TTC12: variants seen among roughly 807,000 people sequenced by gnomAD.
The protein encoded by TTC12 is tetratricopeptide repeat protein 12.
In TTC12, 70 loss-of-function variants were observed where a neutral mutation model predicts 90.1. The observed-to-expected ratio is 0.78, with a 90% CI of 0.64 to 0.95. The LOEUF is 0.95. TTC12 is among the 40% of genes least tolerant of loss of function. The pLI, the probability that TTC12 is intolerant of heterozygous loss-of-function variation, is 0.00. For synonymous variants in TTC12, 296 were observed against 311.5 expected (o/e 0.95, Z 0.53); for missense variants, 819 against 846.1 (o/e 0.97, Z 0.40).
intron 14 of TTC12, 150 bp downstream of exon 14, chr11:113,350,315 A>AG: frequency 1.6e-6 from 1 of 616,344 alleles, no homozygotes; most frequent in Non-Finnish European, 2.8e-6. Context: ...GATGCCTCCC[A>AG]GGGGGCTGCA....
At chr11:113,368,091 C>G (rs1162008540), downstream of TTC12, 1 of 1,050,610 alleles carries the variant, frequency 9.5e-7, no homozygotes, top group African/African-American at 1.6e-5. Flanking sequence ...CTATGGCTGC[C>G]CTCCTTCTTG....
intron 9 of TTC12, 118 bp from the exon 10 acceptor site, chr11:113,339,168 T>C (rs781904162): frequency 2.2e-5 from 18 of 817,686 alleles, no homozygotes; most frequent in Non-Finnish European, 3.2e-5. Context: ...TTAATTATTT[T>C]AATGCTTTAT....
intron 13 of TTC12, among the ~76,000 whole-genome samples, chr11:113,345,410 C>T (rs1948894696): frequency 1.3e-5 from 2 of 151,856 alleles, no homozygotes; most frequent in South Asian, 4.2e-4. Flanking sequence ...ACTAGGCTGG[C>T]CCCCAGGTAC....
At chr11:113,348,531 T>G (rs1555148904) in intron 13 of TTC12, among the ~76,000 whole-genome samples, 1 of 152,192 alleles carries the variant, frequency 6.6e-6, no homozygotes, top group Non-Finnish European at 1.5e-5. Flanking sequence ...TCCTGCCTCT[T>G]GTACTACCTG....
At chr11:113,363,785 C>G in intron 19 of TTC12, 43 bp from the exon 20 acceptor site, 1 of 1,392,562 alleles carries the variant, frequency 7.2e-7, no homozygotes, top group African/African-American at 1.4e-5. Flanking sequence ...CAAGAGCAAT[C>G]ATAGCACTGA....
chr11:113,343,872 G>A lies in TTC12; in HGVS notation c.986-400G>A, dbSNP rs551366623. ...GTATGAATATTGATGGCCTAAAGAC[G>A]TTCCACAATTAAACTGATTTATTTC... is the stretch of plus-strand genomic sequence containing the variant. On this transcript the variant is annotated intron_variant, in intron 12 of 21. Transcript: ENST00000529221. 4.6e-5 allele frequency among the ~76,000 whole-genome samples: 7 copies of A among 152,190 alleles called. No homozygotes were observed. The South Asian group carries it at 8.3e-4, about 18-fold the overall frequency.
chr11:113,354,317 C>T (rs1406194185), intron 16 of TTC12, among the ~76,000 whole-genome samples: 1 of 152,118 alleles, frequency 6.6e-6, no homozygotes, highest in Non-Finnish European at 1.5e-5. Context: ...ATTTTGTATC[C>T]TGAGACATTG....
At chr11:113,322,562 A>G (rs1333368707) in intron 2 of TTC12, among the ~76,000 whole-genome samples, 1 of 152,196 alleles carries the variant, frequency 6.6e-6, no homozygotes, top group Admixed American at 6.5e-5. Context: ...GCAAACTGTT[A>G]AAAGTCATTG....
intron 18 of TTC12, 25 bp from the exon 19 acceptor site, chr11:113,362,376 A>G (rs1555155489): frequency 1.3e-6 from 2 of 1,556,582 alleles, no homozygotes; most frequent in Admixed American, 3.4e-5. Context: ...AGGACATTTA[A>G]TTATCCTCTT....
At chr11:113,369,873 C>T (rs1358979088), downstream of TTC12, among the ~76,000 whole-genome samples, 4 of 152,268 alleles carry the variant, frequency 2.6e-5, no homozygotes, top group East Asian at 7.7e-4. Context: ...CATTATCTGC[C>T]CCCTCCCACC....
At chr11:113,347,654 T>G (rs1555148572) in intron 13 of TTC12, among the ~76,000 whole-genome samples, 1 of 152,184 alleles carries the variant, frequency 6.6e-6, no homozygotes. Context: ...AGCTTTCCAG[T>G]ACTTTAGATA....
At position 113,328,821 on chromosome 11, in the gene TTC12, A is replaced by G. The variant is rs547064044; in HGVS notation, c.445-1099A>G. On this transcript the variant is annotated intron_variant, in intron 6 of 21. Transcript: ENST00000529221. ...TACTCCCAGCCCAAGATAATCACCA[A>G]TCTACTTTTTGTCTCTATACCTTTG... Among the ~76,000 whole-genome samples the G allele has an allele frequency of 1.1e-4, 16 of 152,248 alleles. No homozygotes were observed. In the East Asian group the frequency reaches 2.3e-3, roughly 22 times the overall value.
intron 11 of TTC12, 43 bp downstream of exon 11, chr11:113,340,776 A>G (rs1555145767): frequency 1.4e-6 from 2 of 1,475,228 alleles, no homozygotes; most frequent in African/African-American, 1.4e-5. Flanking sequence ...AAGCAAGGGA[A>G]GATAACCACT....
chr11:113,369,968 T>C (rs1049127036), downstream of TTC12, among the ~76,000 whole-genome samples: 2 of 152,206 alleles, frequency 1.3e-5, no homozygotes, highest in African/African-American at 4.8e-5. Flanking sequence ...CCCTCTCTCC[T>C]GTGACTGGTG....
rs137914735 is a variant in TTC12, at chr11:113,315,423, G to C, written c.-16+805G>C. On this transcript the variant is annotated intron_variant, in intron 1 of 21. Coordinates refer to ENST00000529221, the MANE Select transcript of TTC12 (RefSeq NM_017868.4). ...TCGTAGTTTGTTCGTGGCAGATTAC[G>C]TGTTAGAAGCGTGTTACACTACTAT... Among the ~76,000 whole-genome samples, 461 of 152,294 alleles carry C rather than the reference G, an allele frequency of 3.0e-3. 1 individual carries two copies. Among genetic ancestry groups the C allele is most frequent in the African/African-American group, 9.7e-3 (405 of 41,552 alleles).
At chr11:113,366,077 C>T in intron 21 of TTC12, 148 bp from the exon 22 acceptor site, 1 of 789,554 alleles carries the variant, frequency 1.3e-6, no homozygotes, top group East Asian at 2.6e-5. Flanking sequence ...TTTAGGGTAC[C>T]CCAATGCCAC....
intron 9 of TTC12, 145 bp downstream of exon 9, chr11:113,338,979 C>A: frequency 1.4e-6 from 1 of 723,536 alleles, no homozygotes; most frequent in South Asian, 1.7e-5. Flanking sequence ...TCTGTGTTAA[C>A]CAGCCCACTC....
downstream of TTC12, chr11:113,371,311 A>G (rs2138101964): frequency 6.6e-6 from 1 of 152,332 alleles, no homozygotes; most frequent in African/African-American, 2.4e-5. Context: ...ATTGCTTATA[A>G]TACCTAACAC....
chr11:113,341,698 G>A, intron 11 of TTC12, 139 bp from the exon 12 acceptor site: 1 of 689,168 alleles, frequency 1.5e-6, no homozygotes, highest in East Asian at 2.7e-5. Flanking sequence ...TGATCCTGGT[G>A]ACCCATGGCT....
Sources: allele counts gnomAD v4.1 joint callset (sites outside exome capture counted in the v4.1 genomes callset), GRCh38; gene constraint gnomAD v4.1.1; transcripts MANE v1.5; gene names NCBI Gene and HGNC (gene_info 2026-07-23, HGNC 2026-07-21).